CFAP52: variants seen among roughly 807,000 people sequenced by gnomAD.
CFAP52 encodes the protein cilia and flagella associated protein 52, also known as cilia- and flagella-associated protein 52.
A neutral mutation model predicts 70.5 loss-of-function variants in CFAP52; 57 were observed. That is an observed-to-expected ratio of 0.81 (90% confidence interval 0.65 to 1.01). CFAP52 has a LOEUF of 1.01. Ranked by LOEUF, CFAP52 falls within the 50% of genes least tolerant of loss-of-function variation. The probability of loss-of-function intolerance (pLI) is 0.00; values close to 1 mark genes in which losing one functional copy is unlikely to be tolerated. For missense variants in CFAP52, 785 were observed against 788.5 expected (o/e 1.00, Z 0.05); for synonymous variants, 267 against 292.5 (o/e 0.91, Z 0.89).
At chr17:9,591,782 G>A (rs1793706290) in intron 3 of CFAP52, among the ~76,000 whole-genome samples, 2 of 152,154 alleles carry the variant, frequency 1.3e-5, no homozygotes, top group African/African-American at 4.8e-5. Context: ...GGAGGCTGAA[G>A]TGGGAGGATT....
At chr17:9,596,164 A>T (rs1054403050) in intron 4 of CFAP52, among the ~76,000 whole-genome samples, 5 of 146,264 alleles carry the variant, frequency 3.4e-5, no homozygotes, top group African/African-American at 1.3e-4. Context: ...CAATGGCGCA[A>T]TCTCAGCTCA....
chr17:9,588,263 C>A (rs566644520), intron 3 of CFAP52, among the ~76,000 whole-genome samples: 5 of 152,166 alleles, frequency 3.3e-5, no homozygotes, highest in Admixed American at 6.5e-5. Context: ...GATAATTGCC[C>A]TGTGGACACT....
intron 8 of CFAP52, among the ~76,000 whole-genome samples, chr17:9,615,546 C>T (rs8068403): frequency 0.92 from 139,919 of 152,174 alleles, 64,339 homozygotes; most frequent in Admixed American, 0.93. Context: ...TATTTGGTTC[C>T]GTTTTAACCT....
chr17:9,628,706 A>G lies in CFAP52; in HGVS notation c.1060A>G (p.Lys354Glu). 6.2e-7 allele frequency: 1 copy of G among 1,614,164 alleles called. No individual in the cohort carries two copies. ...TGAGCTATTTGCAACCTGTGCCAAG[A>G]AGGATATCAGGGTGTGGCACACATC... ...TAELFATCAK[K>E]DIRVWHTSSN... The change falls in exon 9 of 14, where the codon AAG becomes GAG. Residue 354 changes from lysine to glutamate, a missense_variant. Lys to Glu is a moderately conservative substitution (Grantham distance 56). Coordinates refer to ENST00000352665, the MANE Select transcript of CFAP52 (RefSeq NM_145054.5).
chr17:9,593,209 C>T (rs1051511349), intron 3 of CFAP52, among the ~76,000 whole-genome samples: 1 of 152,086 alleles, frequency 6.6e-6, no homozygotes. Context: ...CGCCCCCTCC[C>T]CAGCATTTTT....
intron 8 of CFAP52, among the ~76,000 whole-genome samples, chr17:9,628,293 T>C (rs2151947604): frequency 6.6e-6 from 1 of 151,190 alleles, no homozygotes; most frequent in East Asian, 2.0e-4. Flanking sequence ...TTTTTTTTTT[T>C]TTTTGAGATG....
At position 9,643,318 on chromosome 17, in the gene CFAP52, T is replaced by C. The variant is rs1296789962; in HGVS notation, c.*120T>C. On this transcript the variant is annotated 3_prime_UTR_variant, in exon 14 of 14. Transcript: ENST00000352665. ...TCTGTTTTTGTTCTTGAGTCAATTT[T>C]TCTCTTTTTCTTTATAGAATGCATT... The C allele has an allele frequency of 1.1e-6, 1 of 892,740 alleles. No individual in the cohort carries two copies. The highest frequency in any genetic ancestry group is 1.5e-6 in the Non-Finnish European group (1 of 652,082). The allele number at this position is 892,740 out of a possible 1,614,324, so 55.3% of individuals were successfully genotyped here. A position where few individuals can be genotyped will look rare whatever the true frequency, so the allele number is the denominator to read the frequency against.
chr17:9,580,117 T>A (rs1430455763), intron 1 of CFAP52, among the ~76,000 whole-genome samples: 1 of 152,100 alleles, frequency 6.6e-6, no homozygotes, highest in Non-Finnish European at 1.5e-5. Context: ...ACAAAATAGA[T>A]CAGGAGTCTA....
At chr17:9,608,990 G>C (rs1909615521) in intron 7 of CFAP52, among the ~76,000 whole-genome samples, 1 of 152,122 alleles carries the variant, frequency 6.6e-6, no homozygotes, top group Non-Finnish European at 1.5e-5. Flanking sequence ...CAGAGAAGAG[G>C]ATGACCTTCT....
Position 9,632,929 on chromosome 17 carries a change from G to C in CFAP52, c.1216G>C (p.Gly406Arg), listed in dbSNP as rs751102367. The C allele has an allele frequency of 6.2e-7, 1 of 1,614,208 alleles. No homozygotes were observed. Among genetic ancestry groups the C allele is most frequent in the South Asian group, 1.1e-5 (1 of 91,088 alleles). Residue 406 changes from glycine to arginine, a missense_variant, in exon 10 of 14, where the codon GGC (glycine) becomes CGC (arginine). Transcript: ENST00000352665. ...AATCCGAGCCTTCGCCCCAGAGACAGGCCGACTGATGTATGTCATTAACAA... is the reference window on the plus strand; with the variant it reads ...AATCCGAGCCTTCGCCCCAGAGACACGCCGACTGATGTATGTCATTAACAA... The part of the protein sequence containing the change: ...GKIRAFAPET[G>R]RLMYVINNAH...
Position 9,641,793 on chromosome 17 carries a change from A to T in CFAP52, c.1645A>T (p.Asn549Tyr). Residue 549 changes from asparagine to tyrosine, a missense_variant, in exon 13 of 14, where the codon AAT becomes TAT. Physicochemically the swap from Asn to Tyr is moderately radical, Grantham distance 143. Coordinates refer to ENST00000352665, the MANE Select transcript of CFAP52 (RefSeq NM_145054.5). Reference sequence around the variant, plus strand: ...GGAAGGTTCCCTGTCTGGGTCGATAAATGGCATGGATATCACACAGGAAGG... The same window carrying T: ...GGAAGGTTCCCTGTCTGGGTCGATATATGGCATGGATATCACACAGGAAGG... ...ELEGSLSGSI[N>Y]GMDITQEGVH... 6.2e-7 allele frequency: 1 copy of T among 1,613,992 alleles called. No homozygotes were observed. The highest frequency in any genetic ancestry group is 8.5e-7 in the Non-Finnish European group (1 of 1,179,910).
chr17:9,592,642 T>C (rs1243817777), intron 3 of CFAP52, among the ~76,000 whole-genome samples: 1 of 152,222 alleles, frequency 6.6e-6, no homozygotes, highest in African/African-American at 2.4e-5. Context: ...GACTGGCTTC[T>C]TTCACTTAGC....
At chr17:9,636,239 GAA>G (rs752879145) in intron 11 of CFAP52, among the ~76,000 whole-genome samples, 5 of 138,594 alleles carry the variant, frequency 3.6e-5, no homozygotes, top group South Asian at 2.6e-4. Context: ...AAGAAAGAAA[GAA>G]AGAAAGAAAG....
At chr17:9,596,410 G>C (rs1230231141) in intron 4 of CFAP52, among the ~76,000 whole-genome samples, 1 of 151,582 alleles carries the variant, frequency 6.6e-6, no homozygotes, top group South Asian at 2.1e-4. Context: ...CCCAAAACTT[G>C]ATATATTTTT....
At chr17:9,606,881 T>C (rs780440313) in intron 6 of CFAP52, among the ~76,000 whole-genome samples, 2 of 152,220 alleles carry the variant, frequency 1.3e-5, no homozygotes, top group Non-Finnish European at 2.9e-5. Flanking sequence ...GGTCCTTGCC[T>C]TCACATTCTT....
chr17:9,586,046 T>C, intron 2 of CFAP52, 74 bp downstream of exon 2: 4 of 1,474,474 alleles, frequency 2.7e-6, no homozygotes, highest in Non-Finnish European at 3.7e-6. Flanking sequence ...CCACTTCAAG[T>C]TGTTAGTTCT....
chr17:9,588,171 A>G (rs948848378), intron 3 of CFAP52, among the ~76,000 whole-genome samples: 1 of 152,212 alleles, frequency 6.6e-6, no homozygotes, highest in Admixed American at 6.5e-5. Context: ...GCAGGCGTAT[A>G]ATTCCACTGT....
chr17:9,623,940 C>A (rs1910143536), intron 8 of CFAP52, among the ~76,000 whole-genome samples: 1 of 152,026 alleles, frequency 6.6e-6, no homozygotes, highest in South Asian at 2.1e-4. Context: ...ATTTTTTTAG[C>A]CTTTATTTTT....
chr17:9,578,110 T>TAAAC (rs555833186), intron 1 of CFAP52, among the ~76,000 whole-genome samples: 4 of 151,936 alleles, frequency 2.6e-5, no homozygotes, highest in Non-Finnish European at 1.5e-5. Context: ...AATAAATAAA[T>TAAAC]AAACAAACAA....
Sources: allele counts gnomAD v4.1 joint callset (sites outside exome capture counted in the v4.1 genomes callset), GRCh38; gene constraint gnomAD v4.1.1; transcripts MANE v1.5; gene names NCBI Gene and HGNC (gene_info 2026-07-23, HGNC 2026-07-21).